Variants in KCNJ3 observed in about 807,000 individuals in gnomAD.
KCNJ3 encodes potassium inwardly rectifying channel subfamily J member 3, also known as G protein-activated inward rectifier potassium channel 1.
A neutral mutation model predicts 39.2 loss-of-function variants in KCNJ3; 4 were observed. The observed-to-expected ratio is 0.10, with a 90% CI of 0.05 to 0.23. KCNJ3 has a LOEUF of 0.23. KCNJ3 is among the 10% of genes least tolerant of loss of function. The pLI, the probability that KCNJ3 is intolerant of heterozygous loss-of-function variation, is 1.00. For missense variants in KCNJ3, 276 were observed against 634.9 expected (o/e 0.43, Z 6.08); for synonymous variants, 230 against 237.4 (o/e 0.97, Z 0.29).
intron 2 of KCNJ3, among the ~76,000 whole-genome samples, chr2:154,710,374 T>C (rs938951988): frequency 6.6e-6 from 1 of 152,160 alleles, no homozygotes; most frequent in East Asian, 1.9e-4. Flanking sequence ...AAAATTTCAT[T>C]TCAAAAAGAT....
chr2:154,741,111 T>C (rs1241361766), intron 2 of KCNJ3, among the ~76,000 whole-genome samples: 1 of 152,004 alleles, frequency 6.6e-6, no homozygotes, highest in Non-Finnish European at 1.5e-5. Flanking sequence ...CAGATGCTTG[T>C]CTTTAAGTGT....
intron 2 of KCNJ3, among the ~76,000 whole-genome samples, chr2:154,792,852 T>G (rs1454736314): frequency 6.6e-6 from 1 of 152,246 alleles, no homozygotes; most frequent in East Asian, 1.9e-4. Flanking sequence ...GCAAACTGTT[T>G]TCTGAACAAA....
rs771679928 is a variant in KCNJ3 at position 154,855,197 on chromosome 2, A to T, written c.1390A>T (p.Ser464Cys). 1.9e-6 allele frequency: 3 copies of T among 1,613,914 alleles called. No individual in the cohort carries two copies. The highest frequency in any genetic ancestry group is 2.5e-6 in the Non-Finnish European group (3 of 1,179,946). Residue 464 changes from serine (S) to cysteine (C), a missense_variant, in exon 3 of 3, where the codon AGC (serine) becomes TGC (cysteine). By Grantham distance (112) the Ser-to-Cys change is moderately radical (BLOSUM62 -1). Around this residue, in one of 4 missense-constraint regions of KCNJ3, gnomAD observed 126 missense variants for 179.8 expected, o/e 0.70. Transcript: ENST00000295101. Reference protein sequence around the residue: ...KTTKMLSDPMSQSVADLPPKL... With the variant: ...KTTKMLSDPMCQSVADLPPKL... ...CACCAAGATGTTATCTGATCCCATG[A>T]GCCAGTCTGTGGCTGATTTGCCACC...
intron 2 of KCNJ3, among the ~76,000 whole-genome samples, chr2:154,806,736 C>T (rs1477697755): frequency 2.0e-5 from 3 of 152,130 alleles, no homozygotes; most frequent in African/African-American, 4.8e-5. Context: ...ATGGCACTAA[C>T]CTACACTATT....
chr2:154,843,925 C>T (rs192449968), intron 2 of KCNJ3, among the ~76,000 whole-genome samples: 5 of 152,330 alleles, frequency 3.3e-5, no homozygotes, highest in African/African-American at 7.2e-5. Context: ...TATTACCGGC[C>T]TTCTGAAGCC....
chr2:154,808,895 A>G (rs1574470264), intron 2 of KCNJ3, among the ~76,000 whole-genome samples: 1 of 152,274 alleles, frequency 6.6e-6, no homozygotes, highest in East Asian at 1.9e-4. Context: ...ATTCTTAATG[A>G]CATCAGCATT....
chr2:154,760,725 T>C (rs1028029603), intron 2 of KCNJ3, among the ~76,000 whole-genome samples: 5 of 122,028 alleles, frequency 4.1e-5, no homozygotes, highest in African/African-American at 1.3e-4. Flanking sequence ...GCTATTTTTT[T>C]CTTTTTTTTC....
chr2:154,715,255 G>A (rs1353280175), intron 2 of KCNJ3, among the ~76,000 whole-genome samples: 6 of 152,246 alleles, frequency 3.9e-5, no homozygotes, highest in African/African-American at 1.4e-4. Context: ...ATACTGCCTG[G>A]TAAATTTGTG....
rs13416581 is a variant in KCNJ3 at position 154,804,082 on chromosome 2, G to C, written c.920-50645G>C. 9.6e-3 allele frequency among the ~76,000 whole-genome samples: 1,462 copies of C among 152,114 alleles called. 32 individuals are homozygous for C. The highest frequency in any genetic ancestry group is 0.033 in the African/African-American group (1,375 of 41,546). ...ATTTCAAAATTTGGAGTCCTAAAAT[G>C]TTATTGGCTATTATAAAGACATAGC... On this transcript the variant is annotated intron_variant, in intron 2 of 2. Transcript: ENST00000295101.
At chr2:154,715,770 A>G (rs891086046) in intron 2 of KCNJ3, among the ~76,000 whole-genome samples, 3 of 152,228 alleles carry the variant, frequency 2.0e-5, no homozygotes, top group African/African-American at 2.4e-5. Context: ...ACTGATCTAC[A>G]CCATTACTGA....
chr2:154,769,915 G>T (rs1686208091), intron 2 of KCNJ3, among the ~76,000 whole-genome samples: 1 of 151,938 alleles, frequency 6.6e-6, no homozygotes, highest in African/African-American at 2.4e-5. Flanking sequence ...AATAAATTTT[G>T]CTTATTGGTA....
chr2:154,715,123 G>C (rs1232448716), intron 2 of KCNJ3, among the ~76,000 whole-genome samples: 2 of 152,208 alleles, frequency 1.3e-5, no homozygotes, highest in Non-Finnish European at 2.9e-5. Context: ...CTCCCTGTTA[G>C]TAATAACTCT....
chr2:154,712,559 A>T (rs545484451), intron 2 of KCNJ3, among the ~76,000 whole-genome samples: 1 of 152,294 alleles, frequency 6.6e-6, no homozygotes, highest in African/African-American at 2.4e-5. Flanking sequence ...TGTGTCCTTG[A>T]AAGTATGTGA....
At chr2:154,750,318 T>C (rs1685817175) in intron 2 of KCNJ3, among the ~76,000 whole-genome samples, 1 of 151,960 alleles carries the variant, frequency 6.6e-6, no homozygotes. Flanking sequence ...TTTGCTAATT[T>C]GTAATAGTAT....
chr2:154,784,153 A>C (rs1686487086), intron 2 of KCNJ3, among the ~76,000 whole-genome samples: 1 of 152,250 alleles, frequency 6.6e-6, no homozygotes, highest in South Asian at 2.1e-4. Flanking sequence ...ATGTTAACTC[A>C]AAGATTTTCA....
At chr2:154,746,616 AT>A (rs1685746679) in intron 2 of KCNJ3, among the ~76,000 whole-genome samples, 1 of 140,116 alleles carries the variant, frequency 7.1e-6, no homozygotes, top group African/African-American at 2.9e-5. Context: ...ACAGATATAT[AT>A]ATATATATAT....
chr2:154,845,025 T>C (rs1195608717), intron 2 of KCNJ3, among the ~76,000 whole-genome samples: 1 of 152,232 alleles, frequency 6.6e-6, no homozygotes, highest in Non-Finnish European at 1.5e-5. Context: ...TCACCTGTCT[T>C]CTGCGTTGAT....
chr2:154,783,177 C>T (rs1294306390), intron 2 of KCNJ3, among the ~76,000 whole-genome samples: 1 of 145,228 alleles, frequency 6.9e-6, no homozygotes, highest in Non-Finnish European at 1.5e-5. Context: ...AACTCCATCT[C>T]AAAAAAAAAA....
chr2:154,828,566 G>A (rs2591140), intron 2 of KCNJ3, among the ~76,000 whole-genome samples: 65,988 of 151,956 alleles, frequency 0.43, 15,766 homozygotes, highest in Non-Finnish European at 0.54. Flanking sequence ...TTTGAGAGAT[G>A]TCCATATGAC....
Sources: allele counts gnomAD v4.1 joint callset (sites outside exome capture counted in the v4.1 genomes callset), GRCh38; gene constraint gnomAD v4.1.1; regional missense constraint gnomAD v4.1.1; transcripts MANE v1.5; gene names NCBI Gene and HGNC (gene_info 2026-07-23, HGNC 2026-07-21).